COL24A1: variants seen among roughly 807,000 people sequenced by gnomAD.
COL24A1 encodes collagen type XXIV alpha 1 chain, also known as collagen alpha-1(XXIV) chain.
A neutral mutation model predicts 253.9 loss-of-function variants in COL24A1; 224 were observed. That is an observed-to-expected ratio of 0.88 (90% CI 0.79 to 0.99). COL24A1 has a LOEUF of 0.99. Among genes scored for constraint, COL24A1 ranks in the 50% least tolerant of loss-of-function variants. COL24A1 has a pLI of 0.00. For synonymous variants in COL24A1, 685 were observed against 673.7 expected, an observed-to-expected ratio of 1.02 and a Z score of -0.26; for missense variants, 2,131 against 2,068.5, an observed-to-expected ratio of 1.03 and a Z score of -0.59.
At chr1:85,882,349 A>G (rs1487620279) in intron 32 of COL24A1, among the ~76,000 whole-genome samples, 1 of 152,126 alleles carries the variant, frequency 6.6e-6, no homozygotes, top group Non-Finnish European at 1.5e-5. Flanking sequence ...CTGTAGTCCC[A>G]GCTACTTGGA....
At chr1:85,973,712 AT>A in intron 20 of COL24A1, among the ~76,000 whole-genome samples, 1 of 152,248 alleles carries the variant, frequency 6.6e-6, no homozygotes, top group African/African-American at 2.4e-5. Context: ...CATTGAAGCT[AT>A]TTACTCGAGA....
chr1:85,859,221 T>C (rs1558419953), intron 37 of COL24A1, among the ~76,000 whole-genome samples: 1 of 152,174 alleles, frequency 6.6e-6, no homozygotes, highest in Non-Finnish European at 1.5e-5. Flanking sequence ...AATGAATAAA[T>C]GAATGACAGA....
At chr1:86,009,142 T>G (rs1478312053) in intron 19 of COL24A1, among the ~76,000 whole-genome samples, 1 of 152,146 alleles carries the variant, frequency 6.6e-6, no homozygotes, top group Non-Finnish European at 1.5e-5. Context: ...AAAACAAGAA[T>G]GCAAATGTAG....
At chr1:85,892,370 G>A (rs1040441864) in intron 31 of COL24A1, among the ~76,000 whole-genome samples, 2 of 151,914 alleles carry the variant, frequency 1.3e-5, no homozygotes, top group African/African-American at 4.8e-5. Flanking sequence ...CTGATATCCG[G>A]TGAAAGTATA....
At position 86,125,752 on chromosome 1, in the gene COL24A1, T is replaced by C. The variant is rs1158333004; in HGVS notation, c.584A>G (p.Gln195Arg). The C allele has an allele frequency of 1.2e-6, 2 of 1,611,626 alleles. No homozygotes were observed. The highest frequency in any genetic ancestry group is 2.7e-5 in the African/African-American group (2 of 74,828). ...YFSTETIPEV[Q>R]TFDSNSVFTL... ...AAACACACTATTAGAATCAAAGGTC[T>C]GAACTTCTGGAATAGTCTCTGTGCT... The change falls in exon 3 of 60, where the codon CAG becomes CGG. Residue 195 changes from glutamine to arginine, a missense_variant. Physicochemically the swap from Gln to Arg is conservative, Grantham distance 43 (BLOSUM62 1). Transcript: ENST00000370571.
chr1:86,044,674 A>C (rs1699766854), intron 12 of COL24A1, among the ~76,000 whole-genome samples: 1 of 152,158 alleles, frequency 6.6e-6, no homozygotes, highest in South Asian at 2.1e-4. Context: ...CCTTTTTTAA[A>C]TTCAATAGAC....
chr1:85,888,533 AT>A (rs1221692295), intron 32 of COL24A1, among the ~76,000 whole-genome samples: 1 of 152,114 alleles, frequency 6.6e-6, no homozygotes, highest in Non-Finnish European at 1.5e-5. Flanking sequence ...TTTAGGGGAT[AT>A]ACTTAAGTAA....
chr1:85,903,465 G>C (rs1271339721), intron 28 of COL24A1, among the ~76,000 whole-genome samples: 1 of 152,152 alleles, frequency 6.6e-6, no homozygotes, highest in Non-Finnish European at 1.5e-5. Flanking sequence ...CAGGCTGTAA[G>C]AAAGTCAAAT....
intron 2 of COL24A1, among the ~76,000 whole-genome samples, chr1:86,133,077 G>T (rs1429570890): frequency 6.6e-6 from 1 of 152,070 alleles, no homozygotes; most frequent in South Asian, 2.1e-4. Flanking sequence ...CGCATCCCTT[G>T]TAAGCTGGAT....
chr1:86,026,709 G>A (rs1698061970), intron 14 of COL24A1, among the ~76,000 whole-genome samples: 1 of 152,152 alleles, frequency 6.6e-6, no homozygotes, highest in Non-Finnish European at 1.5e-5. Context: ...GCAGAGAATG[G>A]TTGCTGCTAT....
chr1:85,813,409 T>G (rs2101898454), intron 47 of COL24A1, among the ~76,000 whole-genome samples: 1 of 133,540 alleles, frequency 7.5e-6, no homozygotes, highest in Non-Finnish European at 1.6e-5. Flanking sequence ...ACAGAGGGAG[T>G]GGAAAACCTT....
intron 19 of COL24A1, among the ~76,000 whole-genome samples, chr1:85,990,959 T>G (rs1209386408): frequency 6.6e-6 from 1 of 152,120 alleles, no homozygotes; most frequent in African/African-American, 2.4e-5. Context: ...TTCCAGCCAG[T>G]AAGTGAAAAA....
chr1:86,142,744 G>T (rs995836994), intron 2 of COL24A1, among the ~76,000 whole-genome samples: 5 of 151,866 alleles, frequency 3.3e-5, no homozygotes, highest in Non-Finnish European at 7.4e-5. Context: ...AAATATATCA[G>T]GAAGAAAAAC....
intron 2 of COL24A1, among the ~76,000 whole-genome samples, 159 bp from the exon 3 acceptor site, chr1:86,126,373 G>C (rs1648302990): frequency 6.6e-6 from 1 of 152,044 alleles, no homozygotes; most frequent in South Asian, 2.1e-4. Flanking sequence ...AAGAAATAGG[G>C]AGGGGGAGAG....
chr1:86,049,714 C>T (rs1008714328), intron 11 of COL24A1, among the ~76,000 whole-genome samples: 1 of 151,980 alleles, frequency 6.6e-6, no homozygotes, highest in African/African-American at 2.4e-5. Flanking sequence ...CAGCTATCTC[C>T]CATTATTAAA....
chr1:85,965,744 G>T (rs1691504598), intron 22 of COL24A1, among the ~76,000 whole-genome samples: 1 of 152,112 alleles, frequency 6.6e-6, no homozygotes, highest in Non-Finnish European at 1.5e-5. Flanking sequence ...AAGTTAAATG[G>T]ATATCTGAAG....
chr1:85,827,796 CTGTT>C, intron 43 of COL24A1, among the ~76,000 whole-genome samples: 1 of 152,038 alleles, frequency 6.6e-6, no homozygotes, highest in Middle Eastern at 3.4e-3. Flanking sequence ...TTTATTGTGT[CTGTT>C]TGATTCTTCT....
intron 6 of COL24A1, 109 bp from the exon 7 acceptor site, chr1:86,089,336 A>G: frequency 2.3e-6 from 2 of 855,668 alleles, no homozygotes; most frequent in Non-Finnish European, 3.7e-6. Context: ...TATTACAATC[A>G]TTTCCAATCT....
intron 5 of COL24A1, among the ~76,000 whole-genome samples, chr1:86,103,858 T>C (rs973995754): frequency 6.6e-6 from 1 of 152,184 alleles, no homozygotes; most frequent in Non-Finnish European, 1.5e-5. Flanking sequence ...CGATTATGTG[T>C]CTTGGGGATG....
Sources: allele counts gnomAD v4.1 joint callset (sites outside exome capture counted in the v4.1 genomes callset), GRCh38; gene constraint gnomAD v4.1.1; transcripts MANE v1.5; gene names NCBI Gene and HGNC (gene_info 2026-07-23, HGNC 2026-07-21).